The following DZIP3 variants were observed in gnomAD, a reference collection of about 807,000 sequenced individuals.
DZIP3 encodes DAZ interacting zinc finger protein 3, also known as E3 ubiquitin-protein ligase DZIP3.
In DZIP3, 118 loss-of-function variants were observed where a neutral mutation model predicts 162.0. The ratio of observed to expected loss-of-function variants is 0.73; its 90% CI spans 0.63 to 0.85. The LOEUF (loss-of-function observed/expected upper bound fraction) is 0.85, where lower values mean the gene tolerates loss of function less well. Ranked by LOEUF, DZIP3 falls within the 40% of genes least tolerant of loss-of-function variation. DZIP3 has a pLI of 0.00. For synonymous variants in DZIP3, 438 were observed against 458.6 expected, an observed-to-expected ratio of 0.96 and a Z score of 0.57; for missense variants, 1,331 against 1,407.0, an observed-to-expected ratio of 0.95 and a Z score of 0.86.
intron 1 of DZIP3, among the ~76,000 whole-genome samples, chr3:108,596,262 G>A (rs1212983636): frequency 2.0e-5 from 3 of 152,186 alleles, no homozygotes; most frequent in Admixed American, 6.5e-5. Context: ...CAGCCTTTTC[G>A]TGGAGAGGGG....
At chr3:108,654,446 G>T in intron 19 of DZIP3, 136 bp downstream of exon 19, 1 of 965,668 alleles carries the variant, frequency 1.0e-6, no homozygotes, top group South Asian at 1.4e-5. Context: ...AGCATAAAAG[G>T]TAAGGAGGGA....
chr3:108,611,096 T>C, intron 3 of DZIP3, 78 bp from the exon 4 acceptor site: 1 of 1,373,178 alleles, frequency 7.3e-7, no homozygotes, highest in Non-Finnish European at 9.8e-7. Context: ...CCTTTTTTAA[T>C]GCTTTGGCTG....
At position 108,616,230 on chromosome 3, in the gene DZIP3, C is replaced by T. The variant is rs563994038; in HGVS notation, c.259-311C>T. On this transcript the variant is annotated intron_variant, in intron 4 of 32. Transcript: ENST00000361582. ...AGTGAGCTGAGATTGCGCCAGTGAA[C>T]TCCAGCCAGGGCGACAGAGCGAGAC... Among the ~76,000 whole-genome samples, 16 of 151,306 alleles carry T rather than the reference C, an allele frequency of 1.1e-4. No individual in the cohort carries two copies. In the South Asian group the frequency reaches 3.1e-3, roughly 30 times the overall value.
At chr3:108,635,830 T>C (rs1440286413) in intron 10 of DZIP3, among the ~76,000 whole-genome samples, 1 of 151,624 alleles carries the variant, frequency 6.6e-6, no homozygotes, top group Non-Finnish European at 1.5e-5. Context: ...GGTTCTATAG[T>C]GTTTACATTC....
intron 8 of DZIP3, among the ~76,000 whole-genome samples, chr3:108,631,055 A>ACATACACACTCTCTCT: frequency 5.6e-5 from 1 of 18,008 alleles, no homozygotes; most frequent in African/African-American, 2.8e-4. Flanking sequence ...ACACACACAC[A>ACATACACACTCTCTCT]CTCTCTCTCT....
chr3:108,631,352 T>C (rs2107596239), intron 8 of DZIP3, among the ~76,000 whole-genome samples: 1 of 151,900 alleles, frequency 6.6e-6, no homozygotes, highest in Middle Eastern at 3.4e-3. Flanking sequence ...CTTTGTATAC[T>C]CTGTTCATAT....
At position 108,675,779 on chromosome 3, in the gene DZIP3, A is replaced by G. The variant is rs1472325112; in HGVS notation, c.2694-7A>G. 1.3e-6 allele frequency: 2 copies of G among 1,591,764 alleles called. No homozygotes were observed. Among genetic ancestry groups the G allele is most frequent in the Non-Finnish European group, 1.7e-6 (2 of 1,173,136 alleles). On this transcript the variant is annotated splice_polypyrimidine_tract_variant and splice_region_variant and intron_variant, in intron 24 of 32. Coordinates refer to ENST00000361582, the MANE Select transcript of DZIP3 (RefSeq NM_014648.4). ...AGTTTTCTTTTGTGTCTCCTTTTCT[A>G]CAACAGCAACCTAGAATCACTTCAA...
At chr3:108,653,490 T>G (rs1942954943) in intron 18 of DZIP3, among the ~76,000 whole-genome samples, 1 of 122,636 alleles carries the variant, frequency 8.2e-6, no homozygotes, top group Non-Finnish European at 1.7e-5. Flanking sequence ...ATTGGTTAAT[T>G]GCCATTGTGT....
rs1033519076 is a variant in DZIP3 at position 108,608,020 on chromosome 3, C to G, written c.33-69C>G. 2.2e-5 allele frequency: 28 copies of G among 1,290,012 alleles called. No individual in the cohort carries two copies. In the African/African-American group the frequency reaches 3.7e-4, roughly 17 times the overall value. The allele number at this position is 1,290,012 out of a possible 1,614,324, so 79.9% of individuals were successfully genotyped here. The stretch of plus-strand genomic sequence containing the variant: ...CAGACAATAATTCAATTGTTAGATT[C>G]TTTACTACTACAATTTGTGTTCTTT... On this transcript the variant is annotated intron_variant, in intron 2 of 32. Transcript: ENST00000361582.
At chr3:108,594,629 G>T (rs991814358) in intron 1 of DZIP3, among the ~76,000 whole-genome samples, 5 of 151,734 alleles carry the variant, frequency 3.3e-5, no homozygotes, top group Non-Finnish European at 5.9e-5. Context: ...AATGTGTGTT[G>T]TTCCCCTGTA....
At chr3:108,660,248 G>T (rs914619498) in intron 19 of DZIP3, among the ~76,000 whole-genome samples, 1 of 152,284 alleles carries the variant, frequency 6.6e-6, no homozygotes, top group Admixed American at 6.5e-5. Flanking sequence ...ATACTACAAG[G>T]CTACAGTAAC....
At chr3:108,691,944 A>C (rs1461490938) in intron 32 of DZIP3, among the ~76,000 whole-genome samples, 2 of 152,034 alleles carry the variant, frequency 1.3e-5, no homozygotes, top group African/African-American at 2.4e-5. Context: ...CTACTAAGTT[A>C]GGTATATAAG....
chr3:108,646,611 T>G lies in DZIP3; in HGVS notation c.1760-6T>G. 1 of 1,577,560 alleles carries G rather than the reference T, an allele frequency of 6.3e-7. No homozygotes were observed. Among genetic ancestry groups the G allele is most frequent in the South Asian group, 1.1e-5 (1 of 87,566 alleles). ...TACATCTAAAATTTTTCTTTATGTA[T>G]TATAGGAATTGCTCTACAGTCAATA... On this transcript the variant is annotated splice_polypyrimidine_tract_variant and splice_region_variant and intron_variant, in intron 14 of 32. Transcript: ENST00000361582.
intron 28 of DZIP3, among the ~76,000 whole-genome samples, chr3:108,687,646 AC>A (rs1219216175): frequency 2.6e-5 from 4 of 152,204 alleles, no homozygotes; most frequent in East Asian, 3.8e-4. Flanking sequence ...GGTATAAAGA[AC>A]CCAATGCATA....
chr3:108,634,264 A>G (rs1340820181), intron 9 of DZIP3, among the ~76,000 whole-genome samples: 4 of 152,182 alleles, frequency 2.6e-5, no homozygotes, highest in African/African-American at 9.6e-5. Context: ...AGGTTTCTCA[A>G]GAATGCTTTA....
intron 1 of DZIP3, among the ~76,000 whole-genome samples, chr3:108,594,404 T>TCC (rs1939595917): frequency 7.9e-6 from 1 of 126,066 alleles, no homozygotes; most frequent in Non-Finnish European, 1.7e-5. Flanking sequence ...TCTCTCTCTC[T>TCC]CCCCCCTCCC....
At chr3:108,657,817 A>T (rs1943208318) in intron 19 of DZIP3, among the ~76,000 whole-genome samples, 1 of 152,172 alleles carries the variant, frequency 6.6e-6, no homozygotes, top group East Asian at 1.9e-4. Flanking sequence ...AATGGAAAAC[A>T]AAAAAAGGCA....
At chr3:108,683,969 T>A (rs970616811) in intron 26 of DZIP3, among the ~76,000 whole-genome samples, 1 of 152,200 alleles carries the variant, frequency 6.6e-6, no homozygotes, top group African/African-American at 2.4e-5. Context: ...GAGAGAAATG[T>A]GACTAGAAGC....
rs550894792 is a variant in DZIP3, at chr3:108,622,625, A to G, written c.376-1819A>G. Among the ~76,000 whole-genome samples, 7 of 152,206 alleles carry G rather than the reference A, an allele frequency of 4.6e-5. 1 individual carries two copies. Among genetic ancestry groups the G allele is most frequent in the African/African-American group, 1.7e-4 (7 of 41,540 alleles). ...CCTGTCCTTCTTGGGAAGTCTTTCC[A>G]GGTATTCAAAGGGACTTGCATATTG... On this transcript the variant is annotated intron_variant, in intron 5 of 32. Coordinates refer to ENST00000361582, the MANE Select transcript of DZIP3 (RefSeq NM_014648.4).
Sources: allele counts gnomAD v4.1 joint callset (sites outside exome capture counted in the v4.1 genomes callset), GRCh38; gene constraint gnomAD v4.1.1; transcripts MANE v1.5; gene names NCBI Gene and HGNC (gene_info 2026-07-23, HGNC 2026-07-21).